Variants in MMP9 observed in about 807,000 individuals in gnomAD.
MMP9 encodes the protein matrix metallopeptidase 9, also known as matrix metalloproteinase-9.
MMP9 carries 73 observed loss-of-function variants against 76.4 expected under a neutral mutation model. That is an observed-to-expected ratio of 0.96 (90% confidence interval 0.79 to 1.16). The LOEUF is 1.16. Among genes scored for constraint, MMP9 ranks in the 50% most tolerant of loss-of-function variants. The pLI is 0.00. For missense variants in MMP9, 943 were observed against 973.0 expected, an observed-to-expected ratio of 0.97 and a Z score of 0.41; for synonymous variants, 412 against 408.4, an observed-to-expected ratio of 1.01 and a Z score of -0.11.
Position 46,012,326 on chromosome 20 carries a change from C to T in MMP9, c.1174+13C>T, listed in dbSNP as rs1408859019. The T allele has an allele frequency of 8.1e-6, 13 of 1,612,644 alleles. No homozygotes were observed. In the Admixed American group the frequency reaches 2.2e-4, roughly 27 times the overall value. ...TGCCCGGACCAAGGTAGGCGTGGTCCCGCGGCTCCGGGGCTGGGGTTCCCG... is the reference window on the plus strand; with the variant it reads ...TGCCCGGACCAAGGTAGGCGTGGTCTCGCGGCTCCGGGGCTGGGGTTCCCG... On this transcript the variant is annotated intron_variant, in intron 7 of 12. Transcript: ENST00000372330.
rs551204439 is a variant in MMP9, at chr20:46,014,531, T to C, written c.2005+57T>C. 4 of 1,465,426 alleles carry C rather than the reference T, an allele frequency of 2.7e-6. No homozygotes were observed. The South Asian group carries it at 4.9e-5, about 18-fold the overall frequency. 90.8% of individuals were successfully genotyped at this position (1,465,426 alleles called of 1,614,324 possible). On this transcript the variant is annotated intron_variant, in intron 12 of 12. Transcript: ENST00000372330. ...ACCACACTAAGCTCCTCTTAGTGAG[T>C]GGTCAAATTCTGAGCGAGGAAGAAA... is the stretch of plus-strand genomic sequence containing the variant.
chr20:46,012,429 TAC>T lies in MMP9; in HGVS notation c.1179_1180del (p.Tyr393Ter), dbSNP rs757078351. 8.1e-6 allele frequency: 13 copies of T among 1,613,994 alleles called. No individual in the cohort carries two copies. Among genetic ancestry groups the T allele is most frequent in the African/African-American group, 6.7e-5 (5 of 74,920 alleles). On this transcript the variant is annotated frameshift_variant, in exon 8 of 13. Transcript: ENST00000372330. LOFTEE classifies it high-confidence loss of function. ...TCTCAGGCTCCCTCTCCCTCCAGGA[TAC>T]AGTTTGTTCCTCGTGGCGGCGCATG... The part of the protein sequence containing the change: ...KKWGFCPDQG[Y>X]SLFLVAAHEF...
rs2084287797 is a variant in MMP9 at position 46,012,435 on chromosome 20, T to C, written c.1183T>C (p.Leu395=). 6.2e-7 allele frequency: 1 copy of C among 1,614,128 alleles called. No individual in the cohort carries two copies. The change falls in exon 8 of 13, where the codon TTG becomes CTG. Residue 395 remains leucine, a synonymous_variant. Coordinates refer to ENST00000372330, the MANE Select transcript of MMP9 (RefSeq NM_004994.3). ...GCTCCCTCTCCCTCCAGGATACAGT[T>C]TGTTCCTCGTGGCGGCGCATGAGTT... is the stretch of plus-strand genomic sequence containing the variant. ...WGFCPDQGYS[L]FLVAAHEFGH...
rs1018849454 is a variant in MMP9 at position 46,009,744 on chromosome 20, T to C, written c.139-122T>C. ...TCCAGGCTGCAGTGGGCTGATACCG[T>C]CTCTCCGAAAAAGAAAAAGAAAAAA... On this transcript the variant is annotated intron_variant, in intron 1 of 12. Transcript: ENST00000372330. The C allele has an allele frequency of 5.8e-6, 5 of 862,876 alleles. No homozygotes were observed. The African/African-American group carries it at 6.7e-5, about 12-fold the overall frequency. 53.5% of individuals were successfully genotyped at this position (862,876 alleles called of 1,614,324 possible). A position where few individuals can be genotyped will look rare whatever the true frequency, so the allele number is the denominator to read the frequency against.
rs761777308 is a variant in MMP9 at position 46,012,438 on chromosome 20, T to C, written c.1186T>C (p.Phe396Leu). The change falls in exon 8 of 13, where the codon TTC (phenylalanine) becomes CTC (leucine). Residue 396 changes from phenylalanine to leucine, a missense_variant. Physicochemically the swap from Phe to Leu is conservative, Grantham distance 22. Coordinates refer to ENST00000372330, the MANE Select transcript of MMP9 (RefSeq NM_004994.3). The part of the protein sequence containing the change: ...GFCPDQGYSL[F>L]LVAAHEFGHA... ...CCCTCTCCCTCCAGGATACAGTTTG[T>C]TCCTCGTGGCGGCGCATGAGTTCGG... is the stretch of plus-strand genomic sequence containing the variant. 4 of 1,614,126 alleles carry C rather than the reference T, an allele frequency of 2.5e-6. No individual in the cohort carries two copies. The highest frequency in any genetic ancestry group is 1.1e-5 in the South Asian group (1 of 91,086).
At chr20:46,010,173 T>C in intron 2 of MMP9, 75 bp downstream of exon 2, 2 of 1,360,314 alleles carry the variant, frequency 1.5e-6, no homozygotes, top group Middle Eastern at 2.6e-4. Flanking sequence ...GGTGAACATG[T>C]CCTGTCTTGG....
Position 46,012,553 on chromosome 20 carries a change from A to C in MMP9, c.1301A>C (p.Asp434Ala), listed in dbSNP as rs778180559. The C allele has an allele frequency of 1.2e-6, 2 of 1,613,934 alleles. No individual in the cohort carries two copies. The highest frequency in any genetic ancestry group is 2.2e-5 in the South Asian group (2 of 91,064). Residue 434 changes from aspartate (D) to alanine (A), a missense_variant, in exon 8 of 13, where the codon GAC becomes GCC. Transcript: ENST00000372330. ...ACTGAGGGGCCCCCCTTGCATAAGG[A>C]CGACGTGAATGGCATCCGGCACCTC... ...RFTEGPPLHK[D>A]DVNGIRHLYG...
chr20:46,011,054 A>T lies in MMP9; in HGVS notation c.649+4A>T, dbSNP rs1266487132. On this transcript the variant is annotated splice_donor_region_variant and intron_variant, in intron 4 of 12. Transcript: ENST00000372330. ...TGGTCCCTGGGCAAGGGCGTCGGTG[A>T]GATTCTGAGTCCTCCTGGCCCCTGA... 1.9e-6 allele frequency: 3 copies of T among 1,609,860 alleles called. No individual in the cohort carries two copies. Among genetic ancestry groups the T allele is most frequent in the Non-Finnish European group, 2.5e-6 (3 of 1,177,628 alleles).
rs565241751 is a variant in MMP9, at chr20:46,015,668, G to A, written c.2006-582G>A. 1.6e-4 allele frequency among the ~76,000 whole-genome samples: 25 copies of A among 152,002 alleles called. No homozygotes were observed. In the East Asian group the frequency reaches 3.9e-3, roughly 24 times the overall value. ...GGGTTTCACCATCTTGGCCAGGCTG[G>A]TCTTGAACTCCTGACCTCGTGATCC... On this transcript the variant is annotated intron_variant, in intron 12 of 12. Transcript: ENST00000372330.
rs1263755727 is a variant in MMP9, at chr20:46,012,589, CA to C, written c.1330+8del. On this transcript the variant is annotated splice_region_variant and intron_variant, in intron 8 of 12. Transcript: ENST00000372330. ...GGCATCCGGCACCTCTATGGTGAGGCAGGGGCAGGGATGGGAGGAGGAGGGG... is the reference window on the plus strand; with the variant it reads ...GGCATCCGGCACCTCTATGGTGAGGCGGGGCAGGGATGGGAGGAGGAGGGG... The C allele has an allele frequency of 3.1e-6, 5 of 1,611,800 alleles. No individual in the cohort carries two copies. The African/African-American group carries it at 6.7e-5, about 22-fold the overall frequency.
intron 8 of MMP9, 83 bp downstream of exon 8, chr20:46,012,665 G>A: frequency 6.5e-7 from 1 of 1,539,532 alleles, no homozygotes; most frequent in Non-Finnish European, 8.8e-7. Context: ...TTGGGGATCG[G>A]GGGAGGAACG....
chr20:46,016,490 G>A lies in MMP9; in HGVS notation c.*122G>A. 1.2e-6 allele frequency: 1 copy of A among 817,946 alleles called. No homozygotes were observed. The highest frequency in any genetic ancestry group is 2.1e-6 in the Non-Finnish European group (1 of 470,500). The allele number at this position is 817,946 out of a possible 1,614,324, so 50.7% of individuals were successfully genotyped here. On this transcript the variant is annotated 3_prime_UTR_variant, in exon 13 of 13. Transcript: ENST00000372330. ...TGGAGGAAAGGGAGGAGTGGAGGTG[G>A]GCTGGGCCCTCTCTTCTCACCTTTG...
chr20:46,009,743 G>T (rs538925545), intron 1 of MMP9, 123 bp from the exon 2 acceptor site: 3 of 857,498 alleles, frequency 3.5e-6, no homozygotes, highest in Admixed American at 2.0e-5. Flanking sequence ...GGCTGATACC[G>T]TCTCTCCGAA....
Position 46,014,479 on chromosome 20 carries a change from G to C in MMP9, c.2005+5G>C. On this transcript the variant is annotated splice_donor_5th_base_variant and intron_variant, in intron 12 of 12. Coordinates refer to ENST00000372330, the MANE Select transcript of MMP9 (RefSeq NM_004994.3). ...ACGACGTCTTCCAGTACCGAGGTGA[G>C]GGCTGAGGAGGATCCCTTCGTGAGA... is the stretch of plus-strand genomic sequence containing the variant. The C allele has an allele frequency of 6.5e-7, 1 of 1,549,324 alleles. No homozygotes were observed. Among genetic ancestry groups the C allele is most frequent in the Non-Finnish European group, 8.7e-7 (1 of 1,146,714 alleles).
Position 46,013,859 on chromosome 20 carries a change from A to AT in MMP9, c.1750+63_1750+64insT, listed in dbSNP as rs1255016597. The AT allele has an allele frequency of 2.5e-6, 4 of 1,599,934 alleles. No individual in the cohort carries two copies. The African/African-American group carries it at 5.4e-5, about 21-fold the overall frequency. On this transcript the variant is annotated intron_variant, in intron 10 of 12. Transcript: ENST00000372330. This position sits in a 1 kb window ranked among gnomAD's most constrained non-coding sequence, Gnocchi z 4.5. ...CCCATCAGTCAAGGAGGCTCAAGAGACCATCGATAACCCACGAAACGTCTT... is the reference window on the plus strand; with the variant it reads ...CCCATCAGTCAAGGAGGCTCAAGAGATCCATCGATAACCCACGAAACGTCTT...
In MMP9 at chr20:46,011,634, A is replaced by C. The variant is rs766897916; in HGVS notation, c.884A>C (p.Gln295Pro). ...CCCTGCCAGTTTCCATTCATCTTCC[A>C]AGGCCAATCCTACTCCGCCTGCACC... ...GKPCQFPFIF[Q>P]GQSYSACTTD... is the part of the protein sequence containing the mutation. Residue 295 changes from glutamine (Q) to proline (P), a missense_variant, in exon 6 of 13, where the codon CAA (glutamine) becomes CCA (proline). Transcript: ENST00000372330. 6 of 1,613,312 alleles carry C rather than the reference A, an allele frequency of 3.7e-6. No individual in the cohort carries two copies. The Admixed American group carries it at 8.3e-5, about 22-fold the overall frequency.
At chr20:46,012,894 G>A (rs1240642992) in intron 8 of MMP9, among the ~76,000 whole-genome samples, 1 of 152,202 alleles carries the variant, frequency 6.6e-6, no homozygotes, top group Non-Finnish European at 1.5e-5. Flanking sequence ...AGGAGTTCCA[G>A]ACCAGCCTCG....
Position 46,011,330 on chromosome 20 carries a change from C to T in MMP9, c.823+14C>T. 5 of 1,598,914 alleles carry T rather than the reference C, an allele frequency of 3.1e-6. No individual in the cohort carries two copies. The highest frequency in any genetic ancestry group is 4.3e-6 in the Non-Finnish European group (5 of 1,176,466). On this transcript the variant is annotated intron_variant, in intron 5 of 12. Coordinates refer to ENST00000372330, the MANE Select transcript of MMP9 (RefSeq NM_004994.3). The stretch of plus-strand genomic sequence containing the variant: ...GCCCCAGCGAGAGTGAGTGAGGGGG[C>T]TCGCCGAGGGCTGGGGGCGCCCACC...
chr20:46,014,631 T>C (rs1285118565), intron 12 of MMP9, 157 bp downstream of exon 12: 2 of 811,312 alleles, frequency 2.5e-6, no homozygotes, highest in Non-Finnish European at 4.0e-6. Flanking sequence ...CTCCAGGTCA[T>C]TTAGGAAGTC....
Sources: allele counts gnomAD v4.1 joint callset (sites outside exome capture counted in the v4.1 genomes callset), GRCh38; gene constraint gnomAD v4.1.1; non-coding constraint Gnocchi (gnomAD v3.1); transcripts MANE v1.5; gene names NCBI Gene and HGNC (gene_info 2026-07-23, HGNC 2026-07-21).